Variants in FUNDC2 observed in about 807,000 individuals in gnomAD.
FUNDC2 encodes FUN14 domain-containing protein 2.
FUNDC2 carries 4 observed loss-of-function variants against 15.6 expected under a neutral mutation model. That is an observed-to-expected ratio of 0.26 (90% confidence interval 0.13 to 0.59). The LOEUF (loss-of-function observed/expected upper bound fraction) is 0.59. Among genes scored for constraint, FUNDC2 ranks in the 20% least tolerant of loss-of-function variants. The pLI is 0.90. For synonymous variants in FUNDC2, 44 were observed against 56.9 expected, an observed-to-expected ratio of 0.77 and a Z score of 1.02; for missense variants, 98 against 149.7, an observed-to-expected ratio of 0.65 and a Z score of 1.80.
In FUNDC2 at chrX:155,057,533, C is replaced by T. The variant is rs1219168607; in HGVS notation, c.*2861C>T. On this transcript the variant is annotated 3_prime_UTR_variant, in exon 5 of 5. Coordinates refer to ENST00000369498, the MANE Select transcript of FUNDC2 (RefSeq NM_023934.4). Reference sequence around the variant, plus strand: ...GAATGTGTTCGGGGTTTCATCGCCCCCTTGTGGCGGCGACGTGGTAACACC... The same window carrying T: ...GAATGTGTTCGGGGTTTCATCGCCCTCTTGTGGCGGCGACGTGGTAACACC... 1 of 111,366 alleles carries T rather than the reference C, an allele frequency of 9.0e-6. No individual in the cohort carries two copies. Among genetic ancestry groups the T allele is most frequent in the Non-Finnish European group, 1.9e-5 (1 of 53,002 alleles). The allele number at this position is 111,366 out of a possible 1,213,427, so 9.2% of individuals were successfully genotyped here.
At chrX:155,035,612 T>C (rs1393350563) in intron 2 of FUNDC2, among the ~76,000 whole-genome samples, 3 of 112,073 alleles carry the variant, frequency 2.7e-5, no homozygotes, top group Non-Finnish European at 5.6e-5. Context: ...TTATGTTTTC[T>C]AGATTCTTTT....
At chrX:155,045,257 A>AGAG (rs2073858727) in intron 2 of FUNDC2, among the ~76,000 whole-genome samples, 1 of 111,906 alleles carries the variant, frequency 8.9e-6, no homozygotes, top group African/African-American at 3.3e-5. Context: ...CAAATATGTA[A>AGAG]GAGGAGCAAG....
intron 1 of FUNDC2, among the ~76,000 whole-genome samples, chrX:155,028,573 G>A (rs2073804015): frequency 8.9e-6 from 1 of 112,498 alleles, no homozygotes; most frequent in Non-Finnish European, 1.9e-5. Flanking sequence ...CGTCTGTGAT[G>A]TATCCTGAAT....
chrX:155,051,909 G>C, intron 4 of FUNDC2, 108 bp downstream of exon 4: 1 of 787,397 alleles, frequency 1.3e-6, no homozygotes, highest in Non-Finnish European at 1.8e-6. Context: ...GCATTACAAA[G>C]AACTTAGAGT....
At position 155,054,578 on chromosome X, in the gene FUNDC2, C is replaced by G; in HGVS notation, c.493-17C>G. 1.7e-6 allele frequency: 2 copies of G among 1,210,364 alleles called. No homozygotes were observed. The highest frequency in any genetic ancestry group is 2.2e-6 in the Non-Finnish European group (2 of 894,449). On this transcript the variant is annotated splice_polypyrimidine_tract_variant and intron_variant, in intron 4 of 4. Transcript: ENST00000369498. ...ATCCTTAGCAAAACAACCCATTGTA[C>G]TATCTTCTGTTTTCAGGTGGTGTCA...
At chrX:155,041,420 A>G (rs1377300305) in intron 2 of FUNDC2, among the ~76,000 whole-genome samples, 1 of 111,615 alleles carries the variant, frequency 9.0e-6, no homozygotes, top group Non-Finnish European at 1.9e-5. Context: ...TTTACTCCAT[A>G]GTTTCTATTT....
In FUNDC2 at chrX:155,054,765, C is replaced by A; in HGVS notation, c.*93C>A. ...ACATCGAGTCCCTCCTCCTCTTCTC[C>A]CATGCCTTCTTCCCTGCCATGGCAA... On this transcript the variant is annotated 3_prime_UTR_variant, in exon 5 of 5. Transcript: ENST00000369498. The A allele has an allele frequency of 1.3e-6, 1 of 775,485 alleles. No homozygotes were observed. The highest frequency in any genetic ancestry group is 2.0e-6 in the Non-Finnish European group (1 of 509,429). 63.9% of individuals were successfully genotyped at this position (775,485 alleles called of 1,213,427 possible). A position where few individuals can be genotyped will look rare whatever the true frequency, so the allele number is the denominator to read the frequency against.
chrX:155,037,052 T>C (rs1275007547), intron 2 of FUNDC2, among the ~76,000 whole-genome samples: 1 of 111,854 alleles, frequency 8.9e-6, no homozygotes, highest in Non-Finnish European at 1.9e-5. Context: ...CCATAAACAT[T>C]GGTGTATCTC....
At chrX:155,044,607 A>G (rs950578225) in intron 2 of FUNDC2, among the ~76,000 whole-genome samples, 8 of 112,304 alleles carry the variant, frequency 7.1e-5, no homozygotes, top group African/African-American at 2.3e-4. Context: ...GGTATATGAA[A>G]AGATGCTTAG....
In FUNDC2 at chrX:155,051,818, T is replaced by G. The variant is rs782451838; in HGVS notation, c.492+17T>G. The stretch of plus-strand genomic sequence containing the variant: ...GCTGAGGAGGTGAGACTTGCATTGT[T>G]CACGTGTAGTGTGTGAACAGTGCAG... On this transcript the variant is annotated intron_variant, in intron 4 of 4. Coordinates refer to ENST00000369498, the MANE Select transcript of FUNDC2 (RefSeq NM_023934.4). The G allele has an allele frequency of 8.3e-7, 1 of 1,209,085 alleles. No individual in the cohort carries two copies. Among genetic ancestry groups the G allele is most frequent in the Non-Finnish European group, 1.1e-6 (1 of 893,192 alleles).
intron 2 of FUNDC2, among the ~76,000 whole-genome samples, chrX:155,045,181 T>C (rs1422750709): frequency 9.0e-6 from 1 of 111,093 alleles, no homozygotes; most frequent in African/African-American, 3.3e-5. Flanking sequence ...TATAAAGAAA[T>C]AAAACTGGTT....
chrX:155,040,504 T>C (rs1243655852), intron 2 of FUNDC2, among the ~76,000 whole-genome samples: 1 of 112,304 alleles, frequency 8.9e-6, no homozygotes, highest in African/African-American at 3.2e-5. Context: ...ATAGTGTATA[T>C]ATATTGCTAC....
At position 155,054,990 on chromosome X, in the gene FUNDC2, G is replaced by C. The variant is rs2073889704; in HGVS notation, c.*318G>C. The C allele has an allele frequency of 3.0e-6, 1 of 328,880 alleles. No homozygotes were observed. Among genetic ancestry groups the C allele is most frequent in the African/African-American group, 2.6e-5 (1 of 38,363 alleles). 27.1% of individuals were successfully genotyped at this position (328,880 alleles called of 1,213,427 possible). ...CATTACAAGATGGCTGACCGTGGAG[G>C]ATGAGTGGATCCTGAAAGGTTGTCC... is the stretch of plus-strand genomic sequence containing the variant. On this transcript the variant is annotated 3_prime_UTR_variant, in exon 5 of 5. Transcript: ENST00000369498.
At position 155,057,028 on chromosome X, in the gene FUNDC2, GGTTGGCCTC is replaced by G. The variant is rs2073904965; in HGVS notation, c.*2357_*2365del. ...GGTCATGGTTGAGGTCAGTATTGCAGGTTGGCCTCATCCTGCTAGTATGAGAACGGCTGT... is the reference window on the plus strand; with the variant it reads ...GGTCATGGTTGAGGTCAGTATTGCAGATCCTGCTAGTATGAGAACGGCTGT... On this transcript the variant is annotated 3_prime_UTR_variant, in exon 5 of 5. Coordinates refer to ENST00000369498, the MANE Select transcript of FUNDC2 (RefSeq NM_023934.4). 2.0e-5 allele frequency: 2 copies of G among 100,824 alleles called. No homozygotes were observed. Among genetic ancestry groups the G allele is most frequent in the Non-Finnish European group, 4.1e-5 (2 of 48,250 alleles). The allele number at this position is 100,824 out of a possible 1,213,427, so 8.3% of individuals were successfully genotyped here. A position where few individuals can be genotyped will look rare whatever the true frequency, so the allele number is the denominator to read the frequency against.
intron 2 of FUNDC2, among the ~76,000 whole-genome samples, chrX:155,040,158 C>T (rs927073346): frequency 4.5e-5 from 5 of 111,472 alleles, no homozygotes; most frequent in Non-Finnish European, 3.8e-5. Context: ...GGTATTTAAT[C>T]GTACATATAT....
chrX:155,035,906 A>G (rs782740771), intron 2 of FUNDC2, among the ~76,000 whole-genome samples: 17 of 112,192 alleles, frequency 1.5e-4, no homozygotes, highest in African/African-American at 5.2e-4. Context: ...CTGTTTCTCC[A>G]TCCACCTTTG....
intron 4 of FUNDC2, among the ~76,000 whole-genome samples, chrX:155,053,511 G>A: frequency 8.9e-6 from 1 of 111,930 alleles, no homozygotes; most frequent in Non-Finnish European, 1.9e-5. Context: ...TCAGGAAGTT[G>A]TATGATTTTT....
At chrX:155,032,476 A>T (rs1170454485) in intron 1 of FUNDC2, among the ~76,000 whole-genome samples, 1 of 107,220 alleles carries the variant, frequency 9.3e-6, no homozygotes, top group Non-Finnish European at 1.9e-5. Context: ...GGGTTTTTCC[A>T]TGCTGGTCAG....
At position 155,056,036 on chromosome X, in the gene FUNDC2, A is replaced by G. The variant is rs1221999110; in HGVS notation, c.*1364A>G. 3 of 112,432 alleles carry G rather than the reference A, an allele frequency of 2.7e-5. No homozygotes were observed. The highest frequency in any genetic ancestry group is 9.7e-5 in the African/African-American group (3 of 30,893). 9.3% of individuals were successfully genotyped at this position (112,432 alleles called of 1,213,427 possible). On this transcript the variant is annotated 3_prime_UTR_variant, in exon 5 of 5. Transcript: ENST00000369498. ...TATTTGCGTTTTTCTCCTTACATTT[A>G]AGGAAACATAAGCCATTTTGCTTGC...
Sources: gnomAD v4.1 joint callset for allele counts (sites outside exome capture counted in the v4.1 genomes callset) on GRCh38, gnomAD v4.1.1 for gene constraint, MANE v1.5 for transcripts, NCBI Gene and HGNC (gene_info 2026-07-23, HGNC 2026-07-21) for gene names.